The following SRGAP1 variants were observed in gnomAD, a reference collection of about 807,000 sequenced individuals.
SRGAP1 encodes the protein SLIT-ROBO Rho GTPase-activating protein 1.
Under a neutral mutation model 121.9 loss-of-function variants are expected in SRGAP1, and 43 were observed. That is an observed-to-expected ratio of 0.35 (90% confidence interval 0.28 to 0.46). The LOEUF is 0.46. Among genes scored for constraint, SRGAP1 ranks in the 20% least tolerant of loss-of-function variants. The probability of loss-of-function intolerance (pLI) is 1.00; values close to 1 mark genes in which losing one functional copy is unlikely to be tolerated. For synonymous variants in SRGAP1, 447 were observed against 485.4 expected, an observed-to-expected ratio of 0.92 and a Z score of 1.04; for missense variants, 1,102 against 1,350.9, an observed-to-expected ratio of 0.82 and a Z score of 2.89.
rs1035958919 is a variant in SRGAP1, at chr12:63,882,635, A to G, written c.67+37752A>G. On this transcript the variant is annotated intron_variant, in intron 1 of 21. Transcript: ENST00000355086. ...TTTAAAGACCAAACATAAGTTATCC[A>G]TTCTAATCACTCAAAATGATTGACA... Among the ~76,000 whole-genome samples, 11 of 152,322 alleles carry G rather than the reference A, an allele frequency of 7.2e-5. No homozygotes were observed. The South Asian group carries it at 8.3e-4, about 11-fold the overall frequency.
intron 3 of SRGAP1, among the ~76,000 whole-genome samples, chr12:63,995,696 C>T (rs1390922739): frequency 6.6e-6 from 1 of 152,110 alleles, no homozygotes; most frequent in East Asian, 1.9e-4. Context: ...AGAATAACCC[C>T]TCTTTGGCAT....
intron 1 of SRGAP1, among the ~76,000 whole-genome samples, chr12:63,966,574 C>T (rs1355030200): frequency 2.6e-5 from 4 of 152,078 alleles, no homozygotes; most frequent in Non-Finnish European, 4.4e-5. Flanking sequence ...AAACTACCAC[C>T]CCATATTCTA....
At chr12:63,973,783 CA>C (rs896403933) in intron 1 of SRGAP1, among the ~76,000 whole-genome samples, 1 of 151,904 alleles carries the variant, frequency 6.6e-6, no homozygotes, top group Admixed American at 6.6e-5. Context: ...AATATTTTCC[CA>C]AAAAAGTTTT....
At chr12:64,082,080 C>A (rs1257653821) in intron 10 of SRGAP1, among the ~76,000 whole-genome samples, 1 of 138,092 alleles carries the variant, frequency 7.2e-6, no homozygotes, top group Non-Finnish European at 1.5e-5. Context: ...GTTGCCAGGC[C>A]CAAAGCATAA....
At chr12:64,002,528 AG>A (rs1157053790) in intron 3 of SRGAP1, among the ~76,000 whole-genome samples, 2 of 152,210 alleles carry the variant, frequency 1.3e-5, no homozygotes, top group African/African-American at 4.8e-5. Context: ...AGATTTCAGA[AG>A]GGGTAAAGGT....
chr12:64,127,050 C>T (rs993713359), intron 19 of SRGAP1, among the ~76,000 whole-genome samples: 2 of 152,144 alleles, frequency 1.3e-5, no homozygotes, highest in Non-Finnish European at 2.9e-5. Flanking sequence ...GCATTCAGTA[C>T]AGTAACATGC....
chr12:64,005,307 C>T (rs1319724637), intron 3 of SRGAP1, among the ~76,000 whole-genome samples: 1 of 152,024 alleles, frequency 6.6e-6, no homozygotes, highest in African/African-American at 2.4e-5. Flanking sequence ...CACATAGAAC[C>T]ATAATTGGCT....
At chr12:64,065,633 C>T (rs917748999) in intron 8 of SRGAP1, among the ~76,000 whole-genome samples, 1 of 152,202 alleles carries the variant, frequency 6.6e-6, no homozygotes, top group African/African-American at 2.4e-5. Flanking sequence ...TGGACTCAAA[C>T]TGCCGGCTTC....
chr12:64,097,110 C>T (rs1033673130), intron 14 of SRGAP1, 131 bp from the exon 15 acceptor site: 62 of 899,426 alleles, frequency 6.9e-5, no homozygotes, highest in Non-Finnish European at 8.6e-5. Context: ...AATTTTAGTA[C>T]CATATAATCT....
At chr12:64,069,098 A>T (rs931072447) in intron 8 of SRGAP1, among the ~76,000 whole-genome samples, 15 of 152,140 alleles carry the variant, frequency 9.9e-5, no homozygotes, top group African/African-American at 3.6e-4. Flanking sequence ...AGAAGAACTG[A>T]TCACACTAGA....
rs1429406804 is a variant in SRGAP1, at chr12:64,065,152, C to A, written c.1058C>A (p.Ala353Glu). The A allele has an allele frequency of 1.9e-6, 3 of 1,613,658 alleles. No individual in the cohort carries two copies. The highest frequency in any genetic ancestry group is 4.5e-5 in the East Asian group (2 of 44,778). Residue 353 changes from alanine to glutamate, a missense_variant, in exon 8 of 22, where the codon GCA becomes GAA. Physicochemically the swap from Ala to Glu is moderately radical, Grantham distance 107. This residue lies in a region of SRGAP1 where 747 missense variants were observed against 929.4 expected (regional missense o/e 0.80). Transcript: ENST00000355086. Reference sequence around the variant, plus strand: ...GTCAGTGCCCAGCAGCCAGTCCAGGCAGAGCTCATGCTCAGGTACCAACAG... The same window carrying A: ...GTCAGTGCCCAGCAGCCAGTCCAGGAAGAGCTCATGCTCAGGTACCAACAG... The part of the protein sequence containing the change: ...CQVSAQQPVQ[A>E]ELMLRYQQLQ...
intron 1 of SRGAP1, among the ~76,000 whole-genome samples, chr12:63,924,806 G>A (rs1015357432): frequency 6.6e-6 from 1 of 152,206 alleles, no homozygotes; most frequent in African/African-American, 2.4e-5. Context: ...GAAATAAAAT[G>A]TGTGAGTGTC....
chr12:63,934,256 A>G (rs74099382), intron 1 of SRGAP1, among the ~76,000 whole-genome samples: 3,531 of 152,012 alleles, frequency 0.023, 123 homozygotes, highest in African/African-American at 0.08. Flanking sequence ...CTATCTTTCC[A>G]CCTTTGCCTC....
intron 8 of SRGAP1, among the ~76,000 whole-genome samples, chr12:64,067,524 A>G (rs2136543205): frequency 6.6e-6 from 1 of 152,340 alleles, no homozygotes; most frequent in African/African-American, 2.4e-5. Context: ...GATTATCCTA[A>G]TGTTTCTTGT....
chr12:64,097,151 T>C, intron 14 of SRGAP1, 90 bp from the exon 15 acceptor site: 1 of 1,297,014 alleles, frequency 7.7e-7, no homozygotes, highest in African/African-American at 1.5e-5. Context: ...GATACATGTA[T>C]ATATAGCAAC....
intron 1 of SRGAP1, among the ~76,000 whole-genome samples, chr12:63,963,965 A>G (rs2032714871): frequency 1.3e-5 from 2 of 152,206 alleles, no homozygotes; most frequent in South Asian, 4.1e-4. Context: ...TATTTGTTTT[A>G]TAAAGAAAAT....
chr12:64,104,001 G>A (rs985716746), intron 15 of SRGAP1, among the ~76,000 whole-genome samples: 2 of 152,022 alleles, frequency 1.3e-5, no homozygotes, highest in African/African-American at 2.4e-5. Context: ...TTAAATAAAC[G>A]GTTTCTAAAT....
chr12:63,904,380 TC>T (rs1366582698), intron 1 of SRGAP1, among the ~76,000 whole-genome samples: 2 of 152,194 alleles, frequency 1.3e-5, no homozygotes, highest in Non-Finnish European at 2.9e-5. Context: ...TATTCTCTCT[TC>T]CTGTTCTATT....
intron 1 of SRGAP1, among the ~76,000 whole-genome samples, chr12:63,907,707 A>T (rs1449957123): frequency 6.6e-6 from 1 of 150,848 alleles, no homozygotes; most frequent in Non-Finnish European, 1.5e-5. Flanking sequence ...GTGTCCTATG[A>T]GGCATAAAAG....
Sources: allele counts gnomAD v4.1 joint callset (sites outside exome capture counted in the v4.1 genomes callset), GRCh38; gene constraint gnomAD v4.1.1; regional missense constraint gnomAD v4.1.1; transcripts MANE v1.5; gene names NCBI Gene and HGNC (gene_info 2026-07-23, HGNC 2026-07-21).